RIC1: variants seen among roughly 807,000 people sequenced by gnomAD.
The protein encoded by RIC1 is RIC1 partner of RAB6A GEF complex.
Under a neutral mutation model 169.0 loss-of-function variants are expected in RIC1, and 88 were observed. That is an observed-to-expected ratio of 0.52 (90% CI 0.44 to 0.62). The LOEUF is 0.62. Ranked by LOEUF, RIC1 falls within the 20% of genes least tolerant of loss-of-function variation. RIC1 has a pLI of 0.00. For missense variants in RIC1, 1,877 were observed against 1,725.5 expected (o/e 1.09, Z -1.56); for synonymous variants, 790 against 601.5 (o/e 1.31, Z -4.59).
At chr9:5,760,065 C>A (rs891418934) in intron 17 of RIC1, among the ~76,000 whole-genome samples, 1 of 152,070 alleles carries the variant, frequency 6.6e-6, no homozygotes, top group Non-Finnish European at 1.5e-5. Flanking sequence ...AGAGGGAAGA[C>A]AAAGAATGCT....
At chr9:5,766,352 A>C (rs1044465534) in intron 21 of RIC1, among the ~76,000 whole-genome samples, 4 of 151,944 alleles carry the variant, frequency 2.6e-5, no homozygotes, top group Non-Finnish European at 4.4e-5. Flanking sequence ...AATGCTACAA[A>C]CTTTTTTTTC....
At chr9:5,692,005 C>G (rs1821615933) in intron 3 of RIC1, among the ~76,000 whole-genome samples, 1 of 152,058 alleles carries the variant, frequency 6.6e-6, no homozygotes, top group Non-Finnish European at 1.5e-5. Flanking sequence ...CACCAGTTAA[C>G]TAAGTAGTCC....
intron 7 of RIC1, among the ~76,000 whole-genome samples, chr9:5,737,966 G>T (rs953854602): frequency 6.6e-6 from 1 of 151,984 alleles, no homozygotes; most frequent in African/African-American, 2.4e-5. Flanking sequence ...GGCAAAGGAG[G>T]TATGTCAGGT....
intron 3 of RIC1, chr9:5,712,706 C>T (rs1307076321): frequency 1.3e-5 from 2 of 152,142 alleles, no homozygotes; most frequent in South Asian, 2.1e-4. Flanking sequence ...ATTAATACAT[C>T]GAAGACATCT....
Position 5,720,657 on chromosome 9 carries a change from G to C in RIC1, c.627G>C (p.Met209Ile). Reference protein sequence around the residue: ...LGFTDVHIRDMEYCATLDGFA... With the variant: ...LGFTDVHIRDIEYCATLDGFA... Reference sequence around the variant, plus strand: ...TCACAGACGTACACATCAGAGACATGGAATACTGTGCCACACTTGATGGGT... The same window carrying C: ...TCACAGACGTACACATCAGAGACATCGAATACTGTGCCACACTTGATGGGT... The change falls in exon 6 of 26, where the codon ATG becomes ATC. Residue 209 changes from methionine to isoleucine, a missense_variant. By Grantham distance (10) the Met-to-Ile change is conservative. Transcript: ENST00000414202. 6.2e-7 allele frequency: 1 copy of C among 1,611,440 alleles called. No individual in the cohort carries two copies. The highest frequency in any genetic ancestry group is 8.5e-7 in the Non-Finnish European group (1 of 1,178,926).
intron 2 of RIC1, among the ~76,000 whole-genome samples, chr9:5,673,535 G>GATATATATGTATATATATATATAT (rs1820244122): frequency 8.4e-6 from 1 of 119,304 alleles, no homozygotes; most frequent in African/African-American, 3.6e-5. Context: ...AACATAAGGA[G>GATATATATGTATATATATATATAT]ATATATATAT....
At chr9:5,695,739 T>A (rs1384276062) in intron 3 of RIC1, among the ~76,000 whole-genome samples, 1 of 151,798 alleles carries the variant, frequency 6.6e-6, no homozygotes, top group East Asian at 1.9e-4. Context: ...CCTAGCTAAT[T>A]TTTGTATTTT....
At chr9:5,665,961 G>A (rs1819728340) in intron 2 of RIC1, among the ~76,000 whole-genome samples, 1 of 152,198 alleles carries the variant, frequency 6.6e-6, no homozygotes, top group Non-Finnish European at 1.5e-5. Flanking sequence ...CAGCAGGTGT[G>A]CTGTGTTGGG....
At chr9:5,720,855 T>G in intron 6 of RIC1, 105 bp downstream of exon 6, 1 of 1,049,942 alleles carries the variant, frequency 9.5e-7, no homozygotes, top group Non-Finnish European at 1.3e-6. Flanking sequence ...ATTTTAAGGG[T>G]TGTTAATTTT....
intron 1 of RIC1, among the ~76,000 whole-genome samples, chr9:5,656,194 C>G (rs564420903): frequency 6.0e-4 from 92 of 152,138 alleles, no homozygotes; most frequent in African/African-American, 9.6e-4. Flanking sequence ...CATGTAATAT[C>G]CTTTTCTGAT....
intron 1 of RIC1, among the ~76,000 whole-genome samples, chr9:5,645,278 C>G (rs1014361109): frequency 2.0e-5 from 3 of 152,056 alleles, no homozygotes; most frequent in South Asian, 2.1e-4. Flanking sequence ...TCTTAAACTC[C>G]CATCGTCAGG....
At chr9:5,639,412 A>G (rs557483024) in intron 1 of RIC1, among the ~76,000 whole-genome samples, 19 of 152,280 alleles carry the variant, frequency 1.2e-4, no homozygotes, top group African/African-American at 4.3e-4. Flanking sequence ...GATTTCCAGA[A>G]TTGTTCTTAT....
chr9:5,699,591 A>C (rs911220054), intron 3 of RIC1, among the ~76,000 whole-genome samples: 11 of 152,066 alleles, frequency 7.2e-5, no homozygotes, highest in Non-Finnish European at 1.3e-4. Context: ...CAAATTCCAC[A>C]CAAGTGGTAA....
intron 1 of RIC1, among the ~76,000 whole-genome samples, chr9:5,650,465 C>G (rs1254929065): frequency 6.6e-6 from 1 of 152,008 alleles, no homozygotes; most frequent in Non-Finnish European, 1.5e-5. Context: ...TAGAGAGAGC[C>G]TTGCCTCAGG....
chr9:5,732,525 A>G (rs1198501222), intron 7 of RIC1, 46 bp downstream of exon 7: 32 of 1,307,302 alleles, frequency 2.4e-5, no homozygotes, highest in Non-Finnish European at 3.4e-5. Context: ...TGTTGCAAAA[A>G]ATACTGGTTT....
chr9:5,680,104 G>C (rs1820723875), intron 2 of RIC1, among the ~76,000 whole-genome samples: 4 of 152,088 alleles, frequency 2.6e-5, no homozygotes. Context: ...ATAATCATGT[G>C]GTTTTTGTCT....
At chr9:5,694,984 C>T (rs1265952461) in intron 3 of RIC1, among the ~76,000 whole-genome samples, 2 of 152,084 alleles carry the variant, frequency 1.3e-5, no homozygotes, top group South Asian at 2.1e-4. Context: ...AAAAGCCCTG[C>T]TGATAGATCT....
At chr9:5,676,081 C>T (rs1456059214) in intron 2 of RIC1, among the ~76,000 whole-genome samples, 1 of 152,174 alleles carries the variant, frequency 6.6e-6, no homozygotes, top group South Asian at 2.1e-4. Context: ...AAAACTAAAC[C>T]ACCTTTGTAA....
intron 12 of RIC1, among the ~76,000 whole-genome samples, chr9:5,750,187 G>A (rs975343615): frequency 6.6e-6 from 1 of 151,810 alleles, no homozygotes; most frequent in Admixed American, 6.5e-5. Flanking sequence ...ACAAACTATT[G>A]AAATTTTACA....
Sources: allele counts gnomAD v4.1 joint callset (sites outside exome capture counted in the v4.1 genomes callset), GRCh38; gene constraint gnomAD v4.1.1; transcripts MANE v1.5; gene names NCBI Gene and HGNC (gene_info 2026-07-23, HGNC 2026-07-21).